The following FMNL2 variants were observed in gnomAD, a reference collection of about 807,000 sequenced individuals.
FMNL2 encodes formin like 2.
A neutral mutation model predicts 130.2 loss-of-function variants in FMNL2; 51 were observed. The observed-to-expected ratio is 0.39, with a 90% CI of 0.31 to 0.49. FMNL2 has a LOEUF of 0.49. Among genes scored for constraint, FMNL2 ranks in the 20% least tolerant of loss-of-function variants. The pLI is 0.85. For missense variants in FMNL2, 977 were observed against 1,316.2 expected (o/e 0.74, Z 3.99); for synonymous variants, 465 against 467.1 (o/e 1.00, Z 0.06).
chr2:152,337,391 C>CTGTGTGTGTG (rs10524595), intron 1 of FMNL2, among the ~76,000 whole-genome samples: 9 of 143,448 alleles, frequency 6.3e-5, no homozygotes, highest in African/African-American at 1.8e-4. Flanking sequence ...CTGTGGTGCT[C>CTGTGTGTGTG]TGTGTGTGTG....
intron 2 of FMNL2, among the ~76,000 whole-genome samples, chr2:152,540,114 A>G (rs1694226323): frequency 6.6e-6 from 1 of 152,096 alleles, no homozygotes; most frequent in African/African-American, 2.4e-5. Flanking sequence ...AATAATTGGA[A>G]TTATATTATT....
At chr2:152,490,616 T>TGTGTGTGTGTGTGTG in intron 1 of FMNL2, among the ~76,000 whole-genome samples, 55 of 142,052 alleles carry the variant, frequency 3.9e-4, no homozygotes, top group South Asian at 9.1e-4. Context: ...TGTGTGTGTG[T>TGTGTGTGTGTGTGTG]TGGATAAACT....
chr2:152,560,874 T>A lies in FMNL2; in HGVS notation c.444-9T>A. The A allele has an allele frequency of 6.2e-7, 1 of 1,603,276 alleles. No individual in the cohort carries two copies. Among genetic ancestry groups the A allele is most frequent in the Non-Finnish European group, 8.5e-7 (1 of 1,173,220 alleles). ...TTCAGTCTTCAATGGCATTTCTCTT[T>A]TGTTTTAGTTTTGACTTTGAAAGTG... On this transcript the variant is annotated splice_polypyrimidine_tract_variant and intron_variant, in intron 5 of 25. Coordinates refer to ENST00000288670, the MANE Select transcript of FMNL2 (RefSeq NM_052905.4).
chr2:152,618,272 C>T (rs535895000), intron 13 of FMNL2, among the ~76,000 whole-genome samples: 2 of 152,224 alleles, frequency 1.3e-5, no homozygotes, highest in Admixed American at 6.5e-5. Flanking sequence ...ACCGCATTAC[C>T]GATGGGAAAA....
intron 9 of FMNL2, among the ~76,000 whole-genome samples, chr2:152,607,019 T>TTTTTTTTTTTTTTTTTTTTTTTTG (rs1698407396): frequency 6.8e-6 from 1 of 146,056 alleles, no homozygotes; most frequent in Non-Finnish European, 1.5e-5. Flanking sequence ...TTTTTTTTTT[T>TTTTTTTTTTTTTTTTTTTTTTTTG]TTTTTACCAT....
chr2:152,578,443 T>C (rs1696593989), intron 7 of FMNL2, among the ~76,000 whole-genome samples: 1 of 152,196 alleles, frequency 6.6e-6, no homozygotes, highest in Non-Finnish European at 1.5e-5. Context: ...GTAAATGTTT[T>C]GTTTAGTCTT....
intron 1 of FMNL2, among the ~76,000 whole-genome samples, chr2:152,390,905 A>G (rs1558821506): frequency 6.6e-6 from 1 of 152,236 alleles, no homozygotes; most frequent in Non-Finnish European, 1.5e-5. Context: ...AATTGTAAAG[A>G]TTAAGGTAAT....
At chr2:152,569,701 AGTT>A (rs1696065804) in intron 6 of FMNL2, among the ~76,000 whole-genome samples, 1 of 144,784 alleles carries the variant, frequency 6.9e-6, no homozygotes, top group Non-Finnish European at 1.5e-5. Context: ...AAAAAAAGGA[AGTT>A]AAAAAAAAAA....
At chr2:152,379,931 G>C (rs1684371164) in intron 1 of FMNL2, among the ~76,000 whole-genome samples, 1 of 152,128 alleles carries the variant, frequency 6.6e-6, no homozygotes, top group South Asian at 2.1e-4. Context: ...ATGGAGAGGT[G>C]GGTGAGAATT....
At chr2:152,562,590 T>C (rs2105609147) in intron 6 of FMNL2, among the ~76,000 whole-genome samples, 1 of 152,304 alleles carries the variant, frequency 6.6e-6, no homozygotes, top group Non-Finnish European at 1.5e-5. Flanking sequence ...TGGAAAAAAA[T>C]GTTAATGGGT....
chr2:152,619,570 T>A lies in FMNL2; in HGVS notation c.1689T>A (p.Pro563=). 1 of 491,230 alleles carries A rather than the reference T, an allele frequency of 2.0e-6. No individual in the cohort carries two copies. Among genetic ancestry groups the A allele is most frequent in the Non-Finnish European group, 3.0e-6 (1 of 336,884 alleles). The allele number at this position is 491,230 out of a possible 1,614,324, so 30.4% of individuals were successfully genotyped here. A position where few individuals can be genotyped will look rare whatever the true frequency, so the allele number is the denominator to read the frequency against. ...PPPPPPPPPP[P]PPPPPPPPPP... is the part of the protein sequence containing the mutation. ...CGCCGCCGCCCCCTCCTCCACCTCC[T>A]CCTCCCCCACCGCCCCCTCCGCCTC... Residue 563 remains proline, a synonymous_variant, in exon 15 of 26, where the codon CCT becomes CCA. Coordinates refer to ENST00000288670, the MANE Select transcript of FMNL2 (RefSeq NM_052905.4).
chr2:152,536,363 A>G (rs914495684), intron 2 of FMNL2, among the ~76,000 whole-genome samples: 2 of 152,236 alleles, frequency 1.3e-5, no homozygotes, highest in African/African-American at 4.8e-5. Context: ...GCACTAAGCT[A>G]AATCTTACAA....
At chr2:152,492,304 T>C (rs903341624) in intron 1 of FMNL2, among the ~76,000 whole-genome samples, 7 of 152,206 alleles carry the variant, frequency 4.6e-5, no homozygotes, top group Non-Finnish European at 8.8e-5. Flanking sequence ...TCAAGGCTCA[T>C]ACACAGCCTA....
intron 9 of FMNL2, among the ~76,000 whole-genome samples, chr2:152,594,850 C>T (rs770594611): frequency 1.3e-5 from 2 of 152,170 alleles, no homozygotes; most frequent in South Asian, 2.1e-4. Flanking sequence ...TAGTCAGACT[C>T]GGTTTTCATT....
chr2:152,577,775 T>C (rs1192957378), intron 7 of FMNL2, among the ~76,000 whole-genome samples: 1 of 152,072 alleles, frequency 6.6e-6, no homozygotes, highest in Non-Finnish European at 1.5e-5. Flanking sequence ...GCAAGAACAG[T>C]TCATTGGGAT....
intron 1 of FMNL2, among the ~76,000 whole-genome samples, chr2:152,367,431 C>T (rs1289109840): frequency 6.6e-6 from 1 of 152,130 alleles, no homozygotes. Flanking sequence ...GGGATTATCA[C>T]ATTTAAGAGG....
chr2:152,443,381 T>C (rs1448296419), intron 1 of FMNL2, among the ~76,000 whole-genome samples: 1 of 151,318 alleles, frequency 6.6e-6, no homozygotes, highest in African/African-American at 2.5e-5. Context: ...TTGGAGTAGA[T>C]GGGATTAGCT....
At chr2:152,504,666 A>G (rs985043643) in intron 1 of FMNL2, among the ~76,000 whole-genome samples, 6 of 152,150 alleles carry the variant, frequency 3.9e-5, no homozygotes, top group Non-Finnish European at 8.8e-5. Flanking sequence ...TGTTTACTGA[A>G]TGTAAGCTTC....
intron 1 of FMNL2, among the ~76,000 whole-genome samples, chr2:152,514,461 A>G (rs1416044179): frequency 2.6e-5 from 4 of 152,142 alleles, no homozygotes; most frequent in African/African-American, 9.7e-5. Flanking sequence ...TACCTAAAAT[A>G]ATGAGGATAA....
Sources: allele counts gnomAD v4.1 joint callset (sites outside exome capture counted in the v4.1 genomes callset), GRCh38; gene constraint gnomAD v4.1.1; transcripts MANE v1.5; gene names NCBI Gene and HGNC (gene_info 2026-07-23, HGNC 2026-07-21).